Variants in CCDC7 observed in about 807,000 individuals in gnomAD.
CCDC7 encodes the protein coiled-coil domain-containing protein 7.
A neutral mutation model predicts 196.9 loss-of-function variants in CCDC7; 183 were observed. That is an observed-to-expected ratio of 0.93 (90% confidence interval 0.82 to 1.05). The LOEUF (loss-of-function observed/expected upper bound fraction) is 1.05, where lower values mean the gene tolerates loss of function less well. CCDC7 is among the 50% of genes least tolerant of loss of function. The probability of loss-of-function intolerance (pLI) is 0.00; values close to 1 mark genes in which losing one functional copy is unlikely to be tolerated. For synonymous variants in CCDC7, 525 were observed against 484.6 expected (o/e 1.08, Z -1.10); for missense variants, 1,540 against 1,482.2 (o/e 1.04, Z -0.64).
At chr10:32,705,722 A>C (rs980091067) in intron 24 of CCDC7, among the ~76,000 whole-genome samples, 20 of 152,194 alleles carry the variant, frequency 1.3e-4, no homozygotes, top group African/African-American at 4.6e-4. Context: ...GAGACAAAGA[A>C]GGGCATTACA....
At chr10:32,652,377 C>T (rs1446977782) in intron 20 of CCDC7, among the ~76,000 whole-genome samples, 2 of 151,878 alleles carry the variant, frequency 1.3e-5, no homozygotes, top group Non-Finnish European at 2.9e-5. Context: ...CACTCTATGT[C>T]TTTAATTTGG....
upstream of CCDC7, among the ~76,000 whole-genome samples, chr10:32,443,624 A>G (rs1203372843): frequency 6.6e-6 from 1 of 152,174 alleles, no homozygotes; most frequent in African/African-American, 2.4e-5. Flanking sequence ...TTGACTTTAT[A>G]TATGTGGATA....
chr10:32,688,153 A>C (rs1362925143), intron 22 of CCDC7, among the ~76,000 whole-genome samples: 1 of 152,022 alleles, frequency 6.6e-6, no homozygotes, highest in Non-Finnish European at 1.5e-5. Flanking sequence ...GTGACACACT[A>C]TACACGGTGC....
intron 20 of CCDC7, among the ~76,000 whole-genome samples, chr10:32,649,735 TCTGA>T (rs2068396070): frequency 6.6e-6 from 1 of 152,360 alleles, no homozygotes; most frequent in Admixed American, 6.5e-5. Context: ...TTTATTTTTG[TCTGA>T]CTGAGTTGAT....
At chr10:32,677,844 G>C (rs1373627859) in intron 21 of CCDC7, among the ~76,000 whole-genome samples, 1 of 151,842 alleles carries the variant, frequency 6.6e-6, no homozygotes, top group Non-Finnish European at 1.5e-5. Flanking sequence ...TGCATATATT[G>C]GTTCACATGA....
exon 40 of CCDC7, chr10:32,851,874 G>C (rs889135223): frequency 6.2e-7 from 1 of 1,611,564 alleles, no homozygotes; most frequent in African/African-American, 1.3e-5. Context: ...GAACATATAG[G>C]GCTGGTCCAA....
rs1554813150 is a variant in CCDC7, at chr10:32,511,271, G to GTTGC, written c.873-6674_873-6673insTTGC. On this transcript the variant is annotated intron_variant, in intron 9 of 41. Coordinates refer to ENST00000639629, the Ensembl canonical transcript of CCDC7. ...TTATTCTGTGGGGGGCGGGGGGGGCGGGGAAATGTACTTTTTGAATATGTG... is the reference window on the plus strand; with the variant it reads ...TTATTCTGTGGGGGGCGGGGGGGGCGTTGCGGGAAATGTACTTTTTGAATATGTG... 8 of 672,012 alleles carry GTTGC rather than the reference G, an allele frequency of 1.2e-5. 2 individuals carry two copies. Among genetic ancestry groups the GTTGC allele is most frequent in the Non-Finnish European group, 1.9e-5 (8 of 428,420 alleles). 41.6% of individuals were successfully genotyped at this position (672,012 alleles called of 1,614,324 possible).
At chr10:32,792,957 A>C (rs1001540934) in intron 29 of CCDC7, among the ~76,000 whole-genome samples, 3 of 152,232 alleles carry the variant, frequency 2.0e-5, no homozygotes, top group African/African-American at 7.2e-5. Context: ...TAACCAGGAA[A>C]CAAATAACAA....
intron 28 of CCDC7, among the ~76,000 whole-genome samples, chr10:32,735,250 T>C (rs1447209797): frequency 6.6e-6 from 1 of 152,248 alleles, no homozygotes; most frequent in East Asian, 1.9e-4. Context: ...CATATAGTAA[T>C]ACTATATTTA....
intron 41 of CCDC7, among the ~76,000 whole-genome samples, chr10:32,872,390 C>G (rs2488301): frequency 0.78 from 117,359 of 151,322 alleles, 46,342 homozygotes; most frequent in South Asian, 0.85. Flanking sequence ...CCATTTGCTT[C>G]GTAGATCTTC....
At chr10:32,457,057 T>C (rs2034514732) in intron 3 of CCDC7, among the ~76,000 whole-genome samples, 1 of 151,712 alleles carries the variant, frequency 6.6e-6, no homozygotes, top group African/African-American at 2.4e-5. Flanking sequence ...TTAGCTGTGG[T>C]CACCCTATAG....
chr10:32,709,846 G>T (rs2080512376), intron 24 of CCDC7, among the ~76,000 whole-genome samples: 1 of 152,078 alleles, frequency 6.6e-6, no homozygotes, highest in Admixed American at 6.6e-5. Context: ...CTAGAAATCT[G>T]AGACTTGTTA....
exon 33 of CCDC7, chr10:32,834,876 C>T (rs143876980): frequency 8.9e-5 from 129 of 1,445,566 alleles, no homozygotes; most frequent in Non-Finnish European, 1.2e-4. Flanking sequence ...ATCTAATCAA[C>T]ATACAGTCAA....
chr10:32,598,062 G>T (rs1167435934), intron 18 of CCDC7, among the ~76,000 whole-genome samples: 2 of 152,238 alleles, frequency 1.3e-5, no homozygotes, highest in Non-Finnish European at 2.9e-5. Context: ...GTCTGCAGAA[G>T]TTTCTGCTGC....
intron 15 of CCDC7, among the ~76,000 whole-genome samples, chr10:32,571,294 C>A (rs1049556583): frequency 4.6e-5 from 7 of 152,122 alleles, no homozygotes; most frequent in Non-Finnish European, 1.0e-4. Flanking sequence ...CAGGTGTGAG[C>A]CACCTTGCCC....
Position 32,845,438 on chromosome 10 carries a change from G to T in CCDC7, c.3437-105G>T, listed in dbSNP as rs2093228257. 2.4e-6 allele frequency: 3 copies of T among 1,238,454 alleles called. No homozygotes were observed. In the East Asian group the frequency reaches 7.2e-5, roughly 30 times the overall value. 76.7% of individuals were successfully genotyped at this position (1,238,454 alleles called of 1,614,324 possible). A position where few individuals can be genotyped will look rare whatever the true frequency, so the allele number is the denominator to read the frequency against. ...CTACCTATATTATAGTGTTACATAA[G>T]TAAAATTATTCATGAATATCCTCCT... On this transcript the variant is annotated intron_variant, in intron 34 of 41. Coordinates refer to ENST00000639629, the Ensembl canonical transcript of CCDC7.
At chr10:32,674,976 T>G (rs1057014814) in intron 21 of CCDC7, among the ~76,000 whole-genome samples, 1 of 152,088 alleles carries the variant, frequency 6.6e-6, no homozygotes, top group Non-Finnish European at 1.5e-5. Flanking sequence ...TCACTTTTAG[T>G]TCAGTTTGTC....
At chr10:32,520,453 A>G (rs2047713726) in intron 11 of CCDC7, among the ~76,000 whole-genome samples, 1 of 152,064 alleles carries the variant, frequency 6.6e-6, no homozygotes, top group Admixed American at 6.6e-5. Flanking sequence ...TTTGATTTGC[A>G]TTTCTCAGAT....
chr10:32,855,204 GT>G (rs34544892), intron 41 of CCDC7, among the ~76,000 whole-genome samples: 56,715 of 146,608 alleles, frequency 0.39, 13,165 homozygotes, highest in Non-Finnish European at 0.54. Context: ...AAAAATGTAA[GT>G]TTTTTTTTTT....
Sources: allele counts gnomAD v4.1 joint callset (sites outside exome capture counted in the v4.1 genomes callset), GRCh38; gene constraint gnomAD v4.1.1; transcripts MANE v1.5; gene names NCBI Gene and HGNC (gene_info 2026-07-23, HGNC 2026-07-21).